SSPN: variants seen among roughly 807,000 people sequenced by gnomAD.
SSPN encodes sarcospan.
SSPN carries 15 observed loss-of-function variants against 19.1 expected under a neutral mutation model. The observed-to-expected ratio is 0.78, with a 90% CI of 0.52 to 1.21. The LOEUF is 1.21. SSPN is among the 50% of genes most tolerant of loss of function. The pLI is 0.00. For missense variants in SSPN, 291 were observed against 314.0 expected, an observed-to-expected ratio of 0.93 and a Z score of 0.55; for synonymous variants, 147 against 140.3, an observed-to-expected ratio of 1.05 and a Z score of -0.34.
At position 26,234,564 on chromosome 12, in the gene SSPN, C is replaced by T. The variant is rs1045487237; in HGVS notation, c.*3488C>T. 1.3e-5 allele frequency: 2 copies of T among 152,190 alleles called. No individual in the cohort carries two copies. Among genetic ancestry groups the T allele is most frequent in the South Asian group, 4.1e-4 (2 of 4,832 alleles). The allele number at this position is 152,190 out of a possible 1,614,324, so 9.4% of individuals were successfully genotyped here. On this transcript the variant is annotated 3_prime_UTR_variant, in exon 3 of 3. Transcript: ENST00000242729. ...TTGAAATGAATACCTTGAATCATTT[C>T]TTCTGATTTTCTAGTAGTTTATTAT...
At chr12:26,209,952 T>C (rs936832368) in intron 1 of SSPN, among the ~76,000 whole-genome samples, 3 of 152,072 alleles carry the variant, frequency 2.0e-5, no homozygotes. Context: ...TGATATAGCC[T>C]ATTTGAGAGT....
At chr12:26,200,022 G>A (rs1232726417) in intron 1 of SSPN, among the ~76,000 whole-genome samples, 2 of 152,216 alleles carry the variant, frequency 1.3e-5, no homozygotes, top group African/African-American at 4.8e-5. Context: ...CAATTTAAGT[G>A]CAAACTCTTG....
At chr12:26,134,538 G>A (rs1358473617) in intron 1 of SSPN, among the ~76,000 whole-genome samples, 1 of 152,234 alleles carries the variant, frequency 6.6e-6, no homozygotes, top group African/African-American at 2.4e-5. Context: ...GTTGAGCACA[G>A]AACAGACACA....
At chr12:26,146,943 C>A (rs1357483611) in intron 1 of SSPN, among the ~76,000 whole-genome samples, 6 of 151,026 alleles carry the variant, frequency 4.0e-5, no homozygotes, top group African/African-American at 1.5e-4. Flanking sequence ...TATAAACATA[C>A]AAGGCTAAAA....
At position 26,234,557 on chromosome 12, in the gene SSPN, A is replaced by G. The variant is rs1224021571; in HGVS notation, c.*3481A>G. ...TTAGCCTTTGAAATGAATACCTTGA[A>G]TCATTTCTTCTGATTTTCTAGTAGT... On this transcript the variant is annotated 3_prime_UTR_variant, in exon 3 of 3. Transcript: ENST00000242729. The G allele has an allele frequency of 6.6e-6, 1 of 152,214 alleles. No individual in the cohort carries two copies. The highest frequency in any genetic ancestry group is 1.5e-5 in the Non-Finnish European group (1 of 68,038). The allele number at this position is 152,214 out of a possible 1,614,324, so 9.4% of individuals were successfully genotyped here.
intron 1 of SSPN, among the ~76,000 whole-genome samples, chr12:26,150,332 C>T (rs183410279): frequency 2.2e-4 from 33 of 152,310 alleles, no homozygotes; most frequent in East Asian, 5.8e-4. Context: ...TAAAAGGTTT[C>T]GCTAATGTGT....
chr12:26,149,514 C>G (rs1480032), intron 1 of SSPN, among the ~76,000 whole-genome samples: 5 of 152,106 alleles, frequency 3.3e-5, no homozygotes, highest in Non-Finnish European at 5.9e-5. Context: ...CTAGTGCTCC[C>G]CTGTGGCAAG....
intron 1 of SSPN, among the ~76,000 whole-genome samples, chr12:26,210,855 T>C (rs754604598): frequency 1.1e-4 from 17 of 152,174 alleles, no homozygotes; most frequent in Non-Finnish European, 2.1e-4. Context: ...TTTTTAGAAA[T>C]TTATTTTGGA....
chr12:26,149,331 T>G (rs1457951176), intron 1 of SSPN, among the ~76,000 whole-genome samples: 1 of 152,266 alleles, frequency 6.6e-6, no homozygotes, highest in African/African-American at 2.4e-5. Context: ...TGTATACATC[T>G]ACCATACTGG....
At chr12:26,160,032 T>C (rs1944578092) in intron 1 of SSPN, among the ~76,000 whole-genome samples, 1 of 152,198 alleles carries the variant, frequency 6.6e-6, no homozygotes, top group Non-Finnish European at 1.5e-5. Flanking sequence ...TGGGTGAACC[T>C]GTTCCTTGAA....
intron 1 of SSPN, among the ~76,000 whole-genome samples, chr12:26,151,900 GT>G (rs1382224505): frequency 6.6e-6 from 1 of 152,178 alleles, no homozygotes; most frequent in Non-Finnish European, 1.5e-5. Context: ...ATCCAATGCG[GT>G]AATTTAACCA....
intron 1 of SSPN, among the ~76,000 whole-genome samples, chr12:26,130,498 C>T (rs1944391455): frequency 6.6e-6 from 1 of 152,134 alleles, no homozygotes; most frequent in South Asian, 2.1e-4. Flanking sequence ...ACAATCAAAA[C>T]TATTGGTATA....
chr12:26,195,641 G>GCTGGCC lies in SSPN; in HGVS notation c.-31_-30insTGGCCC. On this transcript the variant is annotated 5_prime_UTR_variant, in exon 1 of 3. Transcript: ENST00000242729. Reference sequence around the variant, plus strand: ...CTCCAGGGCCCAGGGCGCCGCACACGCACCCACCCACCCACCCAGCCTCGC... The same window carrying GCTGGCC: ...CTCCAGGGCCCAGGGCGCCGCACACGCTGGCCCACCCACCCACCCACCCAGCCTCGC... 24 of 1,105,376 alleles carry GCTGGCC rather than the reference G, an allele frequency of 2.2e-5. No homozygotes were observed. Among genetic ancestry groups the GCTGGCC allele is most frequent in the Non-Finnish European group, 2.3e-5 (20 of 878,098 alleles). 68.5% of individuals were successfully genotyped at this position (1,105,376 alleles called of 1,614,324 possible). A position where few individuals can be genotyped will look rare whatever the true frequency, so the allele number is the denominator to read the frequency against.
intron 1 of SSPN, among the ~76,000 whole-genome samples, chr12:26,175,850 T>G (rs1022179708): frequency 6.6e-6 from 1 of 152,162 alleles, no homozygotes; most frequent in South Asian, 2.1e-4. Context: ...TTTTTTTTTT[T>G]TTTTGAGACA....
At chr12:26,176,197 C>T (rs542782587) in intron 1 of SSPN, among the ~76,000 whole-genome samples, 2 of 152,282 alleles carry the variant, frequency 1.3e-5, no homozygotes, top group Admixed American at 6.5e-5. Flanking sequence ...TTAGCTCTCT[C>T]GGTTTCTGTC....
intron 1 of SSPN, among the ~76,000 whole-genome samples, chr12:26,158,779 G>T (rs1944570579): frequency 6.6e-6 from 1 of 152,238 alleles, no homozygotes; most frequent in African/African-American, 2.4e-5. Context: ...GCACACAGTG[G>T]TTCCTTTAAA....
chr12:26,215,563 A>G (rs1006215212), intron 1 of SSPN, among the ~76,000 whole-genome samples: 3 of 152,336 alleles, frequency 2.0e-5, no homozygotes. Flanking sequence ...GAAATCAGCC[A>G]TGGTAGAAGT....
chr12:26,123,556 G>C, intron 1 of SSPN: 1 of 1,011,964 alleles, frequency 9.9e-7, no homozygotes, highest in Middle Eastern at 2.1e-4. Flanking sequence ...GTGCGGGTGA[G>C]GGAGTCCTGA....
chr12:26,200,589 AT>A (rs1487493705), intron 1 of SSPN, among the ~76,000 whole-genome samples: 1 of 152,174 alleles, frequency 6.6e-6, no homozygotes, highest in African/African-American at 2.4e-5. Flanking sequence ...GATCATGGTT[AT>A]GAAAAGTAAC....
Sources: gnomAD v4.1 joint callset for allele counts (sites outside exome capture counted in the v4.1 genomes callset) on GRCh38, gnomAD v4.1.1 for gene constraint, MANE v1.5 for transcripts, NCBI Gene and HGNC (gene_info 2026-07-23, HGNC 2026-07-21) for gene names.